The following ABHD2 variants were observed in gnomAD, a reference collection of about 807,000 sequenced individuals.
ABHD2 encodes abhydrolase domain containing 2, acylglycerol lipase.
In ABHD2, 20 loss-of-function variants were observed where a neutral mutation model predicts 48.1. The observed-to-expected ratio is 0.42, with a 90% confidence interval of 0.29 to 0.60. ABHD2 has a LOEUF of 0.60. Ranked by LOEUF, ABHD2 falls within the 20% of genes least tolerant of loss-of-function variation. The pLI is 0.24. For missense variants in ABHD2, 405 were observed against 550.9 expected, an observed-to-expected ratio of 0.74 and a Z score of 2.65; for synonymous variants, 209 against 214.2, an observed-to-expected ratio of 0.98 and a Z score of 0.21.
the ABHD2 span, among the ~76,000 whole-genome samples, chr15:89,041,996 C>T: frequency 3.3e-5 from 5 of 152,328 alleles, no homozygotes; most frequent in East Asian, 7.7e-4. Context: ...GGGCGTCCAT[C>T]TTTATCTTAT....
chr15:89,094,642 A>G lies in ABHD2; in HGVS notation c.-107+6079A>G, dbSNP rs1459176663. Among the ~76,000 whole-genome samples the G allele has an allele frequency of 2.0e-5, 3 of 152,186 alleles. No homozygotes were observed. Among genetic ancestry groups the G allele is most frequent in the Non-Finnish European group, 4.4e-5 (3 of 68,038 alleles). On this transcript the variant is annotated intron_variant, in intron 1 of 10. Transcript: ENST00000352732. The surrounding 1 kb of genome is among the most constrained non-coding windows in gnomAD (Gnocchi z 4.7). The stretch of plus-strand genomic sequence containing the variant: ...AGAATCACTTGAACCCAGGAGGCAG[A>G]GGCTGCCGTGAGCCAAGATCGCACC...
At chr15:89,093,010 G>A (rs1901655340) in intron 1 of ABHD2, among the ~76,000 whole-genome samples, 1 of 151,982 alleles carries the variant, frequency 6.6e-6, no homozygotes, top group African/African-American at 2.4e-5. Context: ...GGGAGAGCTG[G>A]GGCACTGGAG....
At chr15:89,141,515 C>T (rs1354630540) in intron 3 of ABHD2, among the ~76,000 whole-genome samples, 2 of 152,068 alleles carry the variant, frequency 1.3e-5, no homozygotes, top group African/African-American at 4.8e-5. Context: ...CGCCTGTAAC[C>T]CCAGCTACCC....
chr15:89,048,543 C>T, the ABHD2 span, among the ~76,000 whole-genome samples: 2 of 152,094 alleles, frequency 1.3e-5, no homozygotes, highest in Admixed American at 6.6e-5. Flanking sequence ...ACCAATCAGA[C>T]GTAGATTTGG....
the ABHD2 span, among the ~76,000 whole-genome samples, chr15:89,071,112 AGGTAGCAAATAAGACAT>A: frequency 6.6e-6 from 1 of 152,046 alleles, no homozygotes; most frequent in African/African-American, 2.4e-5. Flanking sequence ...AGAGACCCAA[AGGTAGCAAATAAGACAT>A]GGGGTTTTGG....
chr15:89,133,522 T>A (rs1053527554), intron 3 of ABHD2, among the ~76,000 whole-genome samples: 19 of 152,138 alleles, frequency 1.2e-4, no homozygotes, highest in African/African-American at 4.3e-4. Context: ...ACATCAGGAG[T>A]TCTACTTTTT....
chr15:89,103,108 G>A (rs979745202), intron 1 of ABHD2, among the ~76,000 whole-genome samples: 11 of 152,204 alleles, frequency 7.2e-5, no homozygotes, highest in African/African-American at 2.4e-4. Flanking sequence ...TTCCTTTCGA[G>A]TTTTTAGTTT....
At chr15:89,138,866 CT>C (rs10709478) in intron 3 of ABHD2, among the ~76,000 whole-genome samples, 47,571 of 147,434 alleles carry the variant, frequency 0.32, 9,040 homozygotes, top group Non-Finnish European at 0.45. Flanking sequence ...TTTTTTTTTT[CT>C]TTTTTTTTCC....
At chr15:89,112,404 G>C (rs978290155) in intron 1 of ABHD2, among the ~76,000 whole-genome samples, 2 of 152,160 alleles carry the variant, frequency 1.3e-5, no homozygotes, top group African/African-American at 4.8e-5. Context: ...TCTGGTCCAT[G>C]CCCTGTTTTT....
At chr15:89,075,154 C>T in the ABHD2 span, 2 of 152,286 alleles carry the variant, frequency 1.3e-5, no homozygotes, top group African/African-American at 2.4e-5. The surrounding 1 kb of genome is among the most constrained non-coding windows in gnomAD (Gnocchi z 4.1). Flanking sequence ...CCTCCTTGGC[C>T]TCAAGGGGTA....
At chr15:89,057,691 G>A in the ABHD2 span, among the ~76,000 whole-genome samples, 11 of 152,092 alleles carry the variant, frequency 7.2e-5, no homozygotes, top group South Asian at 2.1e-4. Context: ...CCTCAGGGTG[G>A]CGCTGCTCCC....
intron 5 of ABHD2, among the ~76,000 whole-genome samples, chr15:89,156,266 G>A (rs1165867237): frequency 6.6e-6 from 1 of 151,804 alleles, no homozygotes; most frequent in Non-Finnish European, 1.5e-5. Flanking sequence ...GACTACAGGT[G>A]CCCGCCACCA....
At chr15:89,135,995 C>T (rs1350026600) in intron 3 of ABHD2, 23 of 286,562 alleles carry the variant, frequency 8.0e-5, no homozygotes, top group Non-Finnish European at 1.3e-4. Flanking sequence ...GGCGCAATCT[C>T]AGCTCACTGC....
the ABHD2 span, among the ~76,000 whole-genome samples, chr15:89,047,290 A>G: frequency 6.7e-6 from 1 of 150,178 alleles, no homozygotes; most frequent in Non-Finnish European, 1.5e-5. Context: ...GTTCTTTTAC[A>G]TTTGCTGAGG....
chr15:89,152,076 A>G (rs981743551), intron 4 of ABHD2, among the ~76,000 whole-genome samples: 2 of 127,196 alleles, frequency 1.6e-5, no homozygotes, highest in African/African-American at 5.9e-5. Flanking sequence ...ATTGTAGAAT[A>G]GTTTTTTTTT....
In ABHD2 at chr15:89,196,764, A is replaced by G. The variant is rs2051410379; in HGVS notation, c.*1341A>G. On this transcript the variant is annotated 3_prime_UTR_variant, in exon 11 of 11. Coordinates refer to ENST00000352732, the MANE Select transcript of ABHD2 (RefSeq NM_152924.5). ...GTATTATTTTGAAACCAGATTTTTAATTTAATAGCCTATATTTGTAGTCTG... is the reference window on the plus strand; with the variant it reads ...GTATTATTTTGAAACCAGATTTTTAGTTTAATAGCCTATATTTGTAGTCTG... 1 of 152,502 alleles carries G rather than the reference A, an allele frequency of 6.6e-6. No individual in the cohort carries two copies. Among genetic ancestry groups the G allele is most frequent in the African/African-American group, 2.4e-5 (1 of 41,418 alleles). The allele number at this position is 152,502 out of a possible 1,614,324, so 9.4% of individuals were successfully genotyped here.
chr15:89,075,888 C>G, the ABHD2 span, among the ~76,000 whole-genome samples: 1 of 152,178 alleles, frequency 6.6e-6, no homozygotes, highest in Admixed American at 6.5e-5. This position sits in a 1 kb window ranked among gnomAD's most constrained non-coding sequence, Gnocchi z 4.1. Flanking sequence ...GCCTGGCCAC[C>G]AGAGTCCCAA....
chr15:89,049,243 C>T, the ABHD2 span, among the ~76,000 whole-genome samples: 44 of 152,160 alleles, frequency 2.9e-4, no homozygotes, highest in African/African-American at 9.4e-4. Context: ...GCAGTCTGCC[C>T]GTTCTCAGAT....
chr15:89,063,275 G>T, the ABHD2 span, among the ~76,000 whole-genome samples: 1 of 151,266 alleles, frequency 6.6e-6, no homozygotes, highest in African/African-American at 2.4e-5. Flanking sequence ...GCCAAAAATT[G>T]CTGCTTCTTG....
Sources: allele counts gnomAD v4.1 joint callset (sites outside exome capture counted in the v4.1 genomes callset), GRCh38; gene constraint gnomAD v4.1.1; non-coding constraint Gnocchi (gnomAD v3.1); transcripts MANE v1.5; gene names NCBI Gene and HGNC (gene_info 2026-07-23, HGNC 2026-07-21).